TUT4: variants seen among roughly 807,000 people sequenced by gnomAD.
TUT4 encodes terminal uridylyl transferase 4, also known as terminal uridylyltransferase 4.
In TUT4, 36 loss-of-function variants were observed where a neutral mutation model predicts 192.2. That is an observed-to-expected ratio of 0.19 (90% CI 0.14 to 0.25). The LOEUF is 0.25. TUT4 is among the 10% of genes least tolerant of loss of function. The pLI, the probability that TUT4 is intolerant of heterozygous loss-of-function variation, is 1.00. For synonymous variants in TUT4, 618 were observed against 666.0 expected, an observed-to-expected ratio of 0.93 and a Z score of 1.11; for missense variants, 1,493 against 1,957.2, an observed-to-expected ratio of 0.76 and a Z score of 4.47.
chr1:52,495,065 C>T (rs1672121933), intron 6 of TUT4, among the ~76,000 whole-genome samples: 1 of 152,010 alleles, frequency 6.6e-6, no homozygotes, highest in Non-Finnish European at 1.5e-5. Context: ...AAAACTGAAG[C>T]TCAAAAAGTT....
At chr1:52,502,171 C>T (rs553676679) in intron 4 of TUT4, among the ~76,000 whole-genome samples, 4 of 151,752 alleles carry the variant, frequency 2.6e-5, no homozygotes, top group African/African-American at 2.4e-5. Context: ...TTCAATGCGC[C>T]GGTAAGACAA....
chr1:52,447,301 T>C (rs2148469589), intron 20 of TUT4, among the ~76,000 whole-genome samples: 1 of 151,912 alleles, frequency 6.6e-6, no homozygotes, highest in Middle Eastern at 3.4e-3. Flanking sequence ...TACAAAAAAT[T>C]AGCTGGGCGT....
chr1:52,524,093 CA>C (rs1250306898), intron 2 of TUT4, among the ~76,000 whole-genome samples: 4 of 152,200 alleles, frequency 2.6e-5, no homozygotes, highest in African/African-American at 9.7e-5. Context: ...CAGGATCCCA[CA>C]ACAAAATGAA....
Position 52,435,477 on chromosome 1 carries a change from C to T in TUT4, c.4163-12G>A. The T allele has an allele frequency of 6.2e-7, 1 of 1,609,596 alleles. No homozygotes were observed. The highest frequency in any genetic ancestry group is 8.5e-7 in the Non-Finnish European group (1 of 1,176,086). On this transcript the variant is annotated splice_polypyrimidine_tract_variant and intron_variant, in intron 26 of 29. Transcript: ENST00000257177. ...GACCAGCTGGGCTGCTAAGAGAAGG[C>T]ATCACAAAGAAAATCAACAGATAAG...
At chr1:52,529,059 T>C (rs762341304) in intron 1 of TUT4, among the ~76,000 whole-genome samples, 6 of 152,170 alleles carry the variant, frequency 3.9e-5, no homozygotes, top group Non-Finnish European at 8.8e-5. Context: ...CTGCCTTGCT[T>C]TTCCAGAGTA....
rs143767377 is a variant in TUT4 at position 52,431,058 on chromosome 1, C to G, written c.4666G>C (p.Val1556Leu). The G allele has an allele frequency of 5.0e-5, 80 of 1,604,630 alleles. No homozygotes were observed. In the African/African-American group the frequency reaches 9.9e-4, roughly 20 times the overall value. The change falls in exon 28 of 30, where the codon GTG (valine) becomes CTG (leucine). Residue 1556 changes from valine to leucine, a missense_variant. Val to Leu is a conservative substitution (Grantham distance 32). Transcript: ENST00000257177. ...TSHDGHWPRTVAPNSLVNSGA... is the reference protein window; with the variant it reads ...TSHDGHWPRTLAPNSLVNSGA... ...CTGTTTACCAGGGAATTTGGAGCCA[C>G]AGTACGGGGCCAGTGTCCATCGTGA...
rs908687717 is a variant in TUT4 at position 52,440,433 on chromosome 1, G to GTTT, written c.3823-2101_3823-2099dup. On this transcript the variant is annotated intron_variant, in intron 24 of 29. Transcript: ENST00000257177. ...GCATGAGCCACCATGCCCATCCTGT[G>GTTT]TTTTTTTTTTTTTTTTTTTTTTAAA... Among the ~76,000 whole-genome samples, 109 of 110,108 alleles carry GTTT rather than the reference G, an allele frequency of 9.9e-4. 1 individual carries two copies. Among genetic ancestry groups the GTTT allele is most frequent in the Middle Eastern group, 0.012 (2 of 168 alleles). 72.2% of individuals were successfully genotyped at this position (110,108 alleles called of 152,430 possible). A position where few individuals can be genotyped will look rare whatever the true frequency, so the allele number is the denominator to read the frequency against.
chr1:52,474,779 T>C (rs1666675162), intron 13 of TUT4, 53 bp downstream of exon 13: 2 of 1,420,916 alleles, frequency 1.4e-6, no homozygotes, highest in Non-Finnish European at 1.9e-6. Context: ...AAAATATACA[T>C]AGTCATACAA....
intron 29 of TUT4, 111 bp downstream of exon 29, chr1:52,425,234 GTAAA>G (rs1178205945): frequency 7.6e-7 from 1 of 1,308,084 alleles, no homozygotes; most frequent in African/African-American, 1.5e-5. Context: ...TAATTTCTCA[GTAAA>G]TGTTTACTGA....
At chr1:52,528,519 A>C (rs1682476235) in intron 1 of TUT4, among the ~76,000 whole-genome samples, 1 of 151,516 alleles carries the variant, frequency 6.6e-6, no homozygotes, top group Non-Finnish European at 1.5e-5. Context: ...TGATTTTATT[A>C]AAAAATCAGG....
intron 24 of TUT4, among the ~76,000 whole-genome samples, chr1:52,440,705 C>T (rs1265308418): frequency 7.2e-5 from 11 of 152,098 alleles, no homozygotes; most frequent in Admixed American, 5.9e-4. Context: ...CCAGTTAGGG[C>T]GGCCTACACC....
chr1:52,450,282 C>G (rs1658972218), intron 20 of TUT4, among the ~76,000 whole-genome samples: 1 of 152,036 alleles, frequency 6.6e-6, no homozygotes, highest in Admixed American at 6.5e-5. Flanking sequence ...TAAATGATGC[C>G]AGAGCAATGG....
chr1:52,488,844 T>C lies in TUT4; in HGVS notation c.1515+65A>G, dbSNP rs921039056. ...CATGTCAGTACAAGAAAAGGCCTAATTTTGAAGATTAAATACATTTCCTTC... is the reference window on the plus strand; with the variant it reads ...CATGTCAGTACAAGAAAAGGCCTAACTTTGAAGATTAAATACATTTCCTTC... On this transcript the variant is annotated intron_variant, in intron 9 of 29. Coordinates refer to ENST00000257177, the MANE Select transcript of TUT4 (RefSeq NM_001009881.3). 13 of 1,502,142 alleles carry C rather than the reference T, an allele frequency of 8.7e-6. 1 individual carries two copies. In the African/African-American group the frequency reaches 1.6e-4, roughly 18 times the overall value. 93.1% of individuals were successfully genotyped at this position (1,502,142 alleles called of 1,614,324 possible).
intron 3 of TUT4, among the ~76,000 whole-genome samples, chr1:52,511,939 T>C (rs1398883459): frequency 1.3e-5 from 2 of 152,184 alleles, no homozygotes; most frequent in Non-Finnish European, 1.5e-5. Flanking sequence ...AAAGAGATTA[T>C]GTTGGCTTAG....
rs573667767 is a variant in TUT4 at position 52,551,034 on chromosome 1, TGTTA to T, written c.-94+1893_-94+1896del. On this transcript the variant is annotated intron_variant, in intron 1 of 29. Transcript: ENST00000257177. ...TAAAAATTCTCTTTAAACAGCTCTT[TGTTA>T]ATCAGAGAAATTTATAATTATACAT... 9.3e-3 allele frequency among the ~76,000 whole-genome samples: 1,416 copies of T among 152,340 alleles called. 9 individuals are homozygous for T. The highest frequency in any genetic ancestry group is 0.016 in the Admixed American group (248 of 15,294).
intron 16 of TUT4, chr1:52,462,537 CCT>C (rs1411465485): frequency 5.3e-6 from 1 of 190,014 alleles, no homozygotes; most frequent in Non-Finnish European, 9.7e-6. Flanking sequence ...AGATGTTTAA[CCT>C]CTCTGAGCAT....
intron 8 of TUT4, among the ~76,000 whole-genome samples, chr1:52,490,328 A>AT (rs1418378169): frequency 7.3e-5 from 11 of 151,038 alleles, no homozygotes; most frequent in South Asian, 4.2e-4. Context: ...TGATTTTTTT[A>AT]TTTTTTTTGT....
chr1:52,517,355 G>T (rs1402963206), intron 2 of TUT4, among the ~76,000 whole-genome samples: 2 of 152,156 alleles, frequency 1.3e-5, no homozygotes, highest in Non-Finnish European at 2.9e-5. Context: ...GAATCTGGAT[G>T]TATCTACAAG....
intron 1 of TUT4, among the ~76,000 whole-genome samples, chr1:52,533,850 C>T (rs1398857686): frequency 6.6e-6 from 1 of 152,124 alleles, no homozygotes; most frequent in Non-Finnish European, 1.5e-5. Flanking sequence ...CCTGTAATCC[C>T]AGCTACTGGG....
Sources: gnomAD v4.1 joint callset for allele counts (sites outside exome capture counted in the v4.1 genomes callset) on GRCh38, gnomAD v4.1.1 for gene constraint, MANE v1.5 for transcripts, NCBI Gene and HGNC (gene_info 2026-07-23, HGNC 2026-07-21) for gene names.